UBE4A: variants seen among roughly 807,000 people sequenced by gnomAD.
UBE4A encodes ubiquitination factor E4A.
UBE4A carries 48 observed loss-of-function variants against 117.9 expected under a neutral mutation model. The observed-to-expected ratio is 0.41, with a 90% CI of 0.32 to 0.52. UBE4A has a LOEUF of 0.52. UBE4A is among the 20% of genes least tolerant of loss of function. The pLI is 0.33. For synonymous variants in UBE4A, 407 were observed against 450.0 expected (o/e 0.90, Z 1.21); for missense variants, 1,067 against 1,296.3 (o/e 0.82, Z 2.72).
Position 118,382,738 on chromosome 11 carries a change from A to G in UBE4A, c.2159A>G (p.Glu720Gly). 12 of 1,601,660 alleles carry G rather than the reference A, an allele frequency of 7.5e-6. No homozygotes were observed. The highest frequency in any genetic ancestry group is 1.0e-5 in the Non-Finnish European group (12 of 1,172,598). The change falls in exon 13 of 20, where the codon GAG becomes GGG. Residue 720 changes from glutamate (E) to glycine (G), a missense_variant. Glu to Gly is a moderately conservative substitution (Grantham distance 98, BLOSUM62 -2). Coordinates refer to ENST00000252108, the MANE Select transcript of UBE4A (RefSeq NM_001204077.2). ...TTTCAGTATGCACCCCAACTTGCAGAGGCTCTAATCAAGGTTTTTGTGGAC... is the reference window on the plus strand; with the variant it reads ...TTTCAGTATGCACCCCAACTTGCAGGGGCTCTAATCAAGGTTTTTGTGGAC... The part of the protein sequence containing the change: ...CNFQYAPQLA[E>G]ALIKVFVDIE...
intron 15 of UBE4A, among the ~76,000 whole-genome samples, chr11:118,386,202 G>T (rs1478798584): frequency 6.6e-6 from 1 of 152,044 alleles, no homozygotes; most frequent in Non-Finnish European, 1.5e-5. Context: ...ATTTCTAGGG[G>T]AATTACCTGT....
chr11:118,397,210 G>C lies in UBE4A; in HGVS notation c.*770G>C, dbSNP rs1555129969. 1 of 151,886 alleles carries C rather than the reference G, an allele frequency of 6.6e-6. No individual in the cohort carries two copies. The highest frequency in any genetic ancestry group is 6.6e-5 in the Admixed American group (1 of 15,258). The allele number at this position is 151,886 out of a possible 1,614,324, so 9.4% of individuals were successfully genotyped here. On this transcript the variant is annotated 3_prime_UTR_variant, in exon 20 of 20. Transcript: ENST00000252108. ...TAGGCCTAAGTAGATTTAGGCAACG[G>C]GTATCATATCCATGAAAAATGTCAT...
chr11:118,363,373 C>T (rs1052869562), intron 1 of UBE4A, among the ~76,000 whole-genome samples: 1 of 152,114 alleles, frequency 6.6e-6, no homozygotes, highest in African/African-American at 2.4e-5. Flanking sequence ...GATACCCCGT[C>T]TCTACTAAAA....
At chr11:118,360,998 G>A (rs557024083) in intron 1 of UBE4A, among the ~76,000 whole-genome samples, 1 of 141,946 alleles carries the variant, frequency 7.0e-6, no homozygotes, top group African/African-American at 2.6e-5. Context: ...GTGTGTGTGT[G>A]TGTGTGTGTA....
At chr11:118,387,327 GAA>G (rs1389675390) in intron 16 of UBE4A, among the ~76,000 whole-genome samples, 5 of 152,128 alleles carry the variant, frequency 3.3e-5, no homozygotes, top group Non-Finnish European at 7.4e-5. Context: ...AAGAGGCAAT[GAA>G]AGAGATTATT....
At chr11:118,385,713 A>G (rs1948750646) in intron 15 of UBE4A, among the ~76,000 whole-genome samples, 1 of 152,202 alleles carries the variant, frequency 6.6e-6, no homozygotes, top group South Asian at 2.1e-4. Context: ...TAGCCTTTAG[A>G]CAGTCATGAG....
At position 118,382,697 on chromosome 11, in the gene UBE4A, A is replaced by G. The variant is rs781960382; in HGVS notation, c.2118A>G (p.Lys706=). Residue 706 remains lysine, a synonymous_variant, in exon 13 of 20, where the codon AAA becomes AAG. Transcript: ENST00000252108. ...NPLVSSVFHR[K]RVFCNFQYAP... Reference sequence around the variant, plus strand: ...TGGTATCCAGTGTGTTCCACCGGAAACGTGTGTTCTGCAACTTTCAGTATG... The same window carrying G: ...TGGTATCCAGTGTGTTCCACCGGAAGCGTGTGTTCTGCAACTTTCAGTATG... 16 of 1,605,782 alleles carry G rather than the reference A, an allele frequency of 1.0e-5. No individual in the cohort carries two copies. In the East Asian group the frequency reaches 1.8e-4, roughly 18 times the overall value.
At chr11:118,365,784 T>C (rs1180694606) in intron 2 of UBE4A, among the ~76,000 whole-genome samples, 1 of 152,216 alleles carries the variant, frequency 6.6e-6, no homozygotes, top group Non-Finnish European at 1.5e-5. Flanking sequence ...ATCTGATCCT[T>C]AGCCTTACTA....
Position 118,396,714 on chromosome 11 carries a change from T to C in UBE4A, c.*274T>C, listed in dbSNP as rs1948878094. 4 of 250,520 alleles carry C rather than the reference T, an allele frequency of 1.6e-5. No individual in the cohort carries two copies. The South Asian group carries it at 2.5e-4, about 16-fold the overall frequency. The allele number at this position is 250,520 out of a possible 1,614,324, so 15.5% of individuals were successfully genotyped here. The stretch of plus-strand genomic sequence containing the variant: ...CTAATTTTCACCCTCTGTTGTCTCT[T>C]CATATTCTTCTTCCTTTTCCTAAAT... On this transcript the variant is annotated 3_prime_UTR_variant, in exon 20 of 20. Coordinates refer to ENST00000252108, the MANE Select transcript of UBE4A (RefSeq NM_001204077.2).
At position 118,370,665 on chromosome 11, in the gene UBE4A, A is replaced by G. The variant is rs968707088; in HGVS notation, c.409-849A>G. Among the ~76,000 whole-genome samples the G allele has an allele frequency of 1.2e-4, 19 of 152,180 alleles. No individual in the cohort carries two copies. In the South Asian group the frequency reaches 2.7e-3, roughly 22 times the overall value. On this transcript the variant is annotated intron_variant, in intron 4 of 19. Transcript: ENST00000252108. ...CACCCAAGCAGTAATTTATAAAGAA[A>G]AGTTTATTTAGCTCACAGTTCTGCA... is the stretch of plus-strand genomic sequence containing the variant.
At chr11:118,377,912 CAA>C (rs56669473) in intron 10 of UBE4A, among the ~76,000 whole-genome samples, 23,922 of 117,106 alleles carry the variant, frequency 0.2, 2,401 homozygotes, top group East Asian at 0.53. Flanking sequence ...AACCCTGTCT[CAA>C]AAAAAAAAAA....
At chr11:118,369,919 C>T (rs757230855) in intron 4 of UBE4A, among the ~76,000 whole-genome samples, 6 of 151,426 alleles carry the variant, frequency 4.0e-5, no homozygotes, top group African/African-American at 9.7e-5. Flanking sequence ...GGTGAAACGC[C>T]GTCTCTACTA....
At chr11:118,361,654 A>G (rs1326943289) in intron 1 of UBE4A, among the ~76,000 whole-genome samples, 2 of 152,194 alleles carry the variant, frequency 1.3e-5, no homozygotes, top group Non-Finnish European at 1.5e-5. Context: ...AGTAGAGATG[A>G]CAACAGAGAC....
intron 1 of UBE4A, among the ~76,000 whole-genome samples, chr11:118,364,738 A>G (rs1317053435): frequency 6.6e-6 from 1 of 152,038 alleles, no homozygotes; most frequent in Admixed American, 6.5e-5. Flanking sequence ...AATTCTTTCT[A>G]CTTAACCTGT....
rs150156682 is a variant in UBE4A, at chr11:118,379,543, C to T, written c.1669C>T (p.Leu557Phe). 487 of 1,614,240 alleles carry T rather than the reference C, an allele frequency of 3.0e-4. 2 individuals carry two copies. In the African/African-American group the frequency reaches 3.5e-3, roughly 12 times the overall value. The stretch of plus-strand genomic sequence containing the variant: ...AAGTTCTAGCCCTGCTGCTGACAAT[C>T]TTCGTGAGCAGTTTGAACGACTGAT... ...QQSSSPAADN[L>F]REQFERLMTI... Residue 557 changes from leucine (L) to phenylalanine (F), a missense_variant, in exon 11 of 20, where the codon CTT becomes TTT. This residue lies in a region of UBE4A where 1,001 missense variants were observed against 1,184.0 expected (regional missense o/e 0.85). Transcript: ENST00000252108.
rs931433480 is a variant in UBE4A, at chr11:118,397,279, T to C, written c.*839T>C. On this transcript the variant is annotated 3_prime_UTR_variant, in exon 20 of 20. Transcript: ENST00000252108. ...ACAGTATATCTCAGTGTGTGAGATA[T>C]ATAAATACACATACACCCCATGTGC... The C allele has an allele frequency of 1.3e-5, 2 of 152,216 alleles. No individual in the cohort carries two copies. Among genetic ancestry groups the C allele is most frequent in the Non-Finnish European group, 2.9e-5 (2 of 68,044 alleles). 9.4% of individuals were successfully genotyped at this position (152,216 alleles called of 1,614,324 possible).
chr11:118,362,747 C>CA (rs1315415472), intron 1 of UBE4A, among the ~76,000 whole-genome samples: 2 of 152,194 alleles, frequency 1.3e-5, no homozygotes, highest in African/African-American at 4.8e-5. Flanking sequence ...GGAGAAAACT[C>CA]ACTTTTCCGT....
In UBE4A at chr11:118,368,650, A is replaced by G. The variant is rs147636472; in HGVS notation, c.141A>G (p.Pro47=). 1.3e-4 allele frequency: 210 copies of G among 1,614,102 alleles called. No individual in the cohort carries two copies. Among genetic ancestry groups the G allele is most frequent in the Non-Finnish European group, 1.7e-4 (198 of 1,180,046 alleles). ...KQQSDELPAS[P]DDSDNSVSES... ...TGGCAGATGAACTCCCAGCTAGCCC[A>G]GATGACTCGGATAATAGCGTGTCAG... is the stretch of plus-strand genomic sequence containing the variant. Residue 47 remains proline, a synonymous_variant, in exon 3 of 20, where the codon CCA becomes CCG. Coordinates refer to ENST00000252108, the MANE Select transcript of UBE4A (RefSeq NM_001204077.2).
chr11:118,399,155 T>C lies in UBE4A; in HGVS notation c.*2715T>C, dbSNP rs1948902169. On this transcript the variant is annotated 3_prime_UTR_variant, in exon 20 of 20. Transcript: ENST00000252108. The stretch of plus-strand genomic sequence containing the variant: ...CCAGGAAGGTTACTTCTTGTCAAAC[T>C]TGCCTGGCAGTGTTTGTTCAAAACT... 1 of 426,068 alleles carries C rather than the reference T, an allele frequency of 2.3e-6. No individual in the cohort carries two copies. The highest frequency in any genetic ancestry group is 2.0e-5 in the African/African-American group (1 of 49,208). 26.4% of individuals were successfully genotyped at this position (426,068 alleles called of 1,614,324 possible). A position where few individuals can be genotyped will look rare whatever the true frequency, so the allele number is the denominator to read the frequency against.
Sources: allele counts gnomAD v4.1 joint callset (sites outside exome capture counted in the v4.1 genomes callset), GRCh38; gene constraint gnomAD v4.1.1; regional missense constraint gnomAD v4.1.1; transcripts MANE v1.5; gene names NCBI Gene and HGNC (gene_info 2026-07-23, HGNC 2026-07-21).